Variants in ZPLD1 observed in about 807,000 individuals in gnomAD.
The protein encoded by ZPLD1 is zona pellucida-like domain-containing protein 1.
ZPLD1 carries 34 observed loss-of-function variants against 47.2 expected under a neutral mutation model. That is an observed-to-expected ratio of 0.72 (90% CI 0.55 to 0.96). ZPLD1 has a LOEUF of 0.96. ZPLD1 is among the 40% of genes least tolerant of loss of function. The pLI, the probability that ZPLD1 is intolerant of heterozygous loss-of-function variation, is 0.00. For synonymous variants in ZPLD1, 176 were observed against 186.2 expected, an observed-to-expected ratio of 0.95 and a Z score of 0.45; for missense variants, 512 against 505.8, an observed-to-expected ratio of 1.01 and a Z score of -0.12.
intron 8 of ZPLD1, among the ~76,000 whole-genome samples, chr3:102,419,869 A>ATT (rs377245145): frequency 5.2e-5 from 7 of 134,950 alleles, no homozygotes; most frequent in African/African-American, 5.5e-5. Context: ...CAAGGAACTC[A>ATT]TTTTTTTTTT....
intron 1 of ZPLD1, among the ~76,000 whole-genome samples, chr3:102,435,747 A>G (rs1229734026): frequency 1.4e-5 from 2 of 145,136 alleles, no homozygotes; most frequent in African/African-American, 5.2e-5. Context: ...GGTTCACCCC[A>G]TTCTCCTGCC....
At chr3:102,447,470 C>T (rs1707275225) in intron 3 of ZPLD1, among the ~76,000 whole-genome samples, 1 of 152,224 alleles carries the variant, frequency 6.6e-6, no homozygotes, top group South Asian at 2.1e-4. Context: ...AGTCATTGCA[C>T]TACAGTGCTG....
chr3:102,429,750 C>T (rs1706993890), intron 8 of ZPLD1, among the ~76,000 whole-genome samples: 2 of 152,036 alleles, frequency 1.3e-5, no homozygotes, highest in Non-Finnish European at 2.9e-5. Flanking sequence ...GTATCCACCA[C>T]CACCACAACA....
At chr3:102,423,334 T>G (rs1402613225) in intron 8 of ZPLD1, among the ~76,000 whole-genome samples, 2 of 152,062 alleles carry the variant, frequency 1.3e-5, no homozygotes, top group Non-Finnish European at 2.9e-5. Flanking sequence ...ATCTCAAGTA[T>G]AGCAAAACCT....
In ZPLD1 at chr3:102,476,708, T is replaced by C. The variant is rs983720957; in HGVS notation, c.1043-304T>C. On this transcript the variant is annotated intron_variant, in intron 10 of 11. Transcript: ENST00000466937. ...TGGAGAGCTAATGATGAAACAAAGT[T>C]GTCAGGCAAGAAAACAGCACACTGT... is the stretch of plus-strand genomic sequence containing the variant. Among the ~76,000 whole-genome samples, 3 of 152,092 alleles carry C rather than the reference T, an allele frequency of 2.0e-5. No homozygotes were observed. The East Asian group carries it at 5.8e-4, about 29-fold the overall frequency.
intron 11 of ZPLD1, 27 bp downstream of exon 11, chr3:102,477,068 GT>G (rs766607896): frequency 1.1e-5 from 17 of 1,612,512 alleles, no homozygotes; most frequent in Non-Finnish European, 1.2e-5. Flanking sequence ...ATTTTGCAAT[GT>G]TTTTTACATT....
At chr3:102,461,447 T>C (rs1707505971) in intron 6 of ZPLD1, among the ~76,000 whole-genome samples, 1 of 151,988 alleles carries the variant, frequency 6.6e-6, no homozygotes, top group Non-Finnish European at 1.5e-5. Flanking sequence ...ATAAGCTCTC[T>C]AGAACTGGTC....
chr3:102,405,959 C>T (rs2107295263), intron 7 of ZPLD1, among the ~76,000 whole-genome samples: 1 of 152,120 alleles, frequency 6.6e-6, no homozygotes, highest in Non-Finnish European at 1.5e-5. Flanking sequence ...CTCTATTCTA[C>T]ATCACTTAAA....
chr3:102,464,036 C>A, intron 7 of ZPLD1, 135 bp from the exon 8 acceptor site: 1 of 660,768 alleles, frequency 1.5e-6, no homozygotes, highest in Non-Finnish European at 2.6e-6. Flanking sequence ...GGCAACGGAA[C>A]AAGACTCCGT....
intron 7 of ZPLD1, among the ~76,000 whole-genome samples, chr3:102,398,487 T>C (rs966309428): frequency 2.0e-5 from 3 of 152,160 alleles, no homozygotes; most frequent in African/African-American, 7.2e-5. Context: ...ATAGATGTTG[T>C]GAAGAATGCA....
chr3:102,401,700 T>A (rs767067960), intron 7 of ZPLD1, among the ~76,000 whole-genome samples: 1 of 152,116 alleles, frequency 6.6e-6, no homozygotes, highest in Non-Finnish European at 1.5e-5. Context: ...TTGATAATGA[T>A]TGACTTGCTA....
intron 8 of ZPLD1, among the ~76,000 whole-genome samples, chr3:102,468,032 A>G (rs529386546): frequency 6.6e-6 from 1 of 152,292 alleles, no homozygotes; most frequent in East Asian, 1.9e-4. Flanking sequence ...CCATTTTCAG[A>G]TAAAGAAATG....
At chr3:102,453,815 T>C (rs943187593) in intron 4 of ZPLD1, among the ~76,000 whole-genome samples, 6 of 152,218 alleles carry the variant, frequency 3.9e-5, no homozygotes, top group African/African-American at 1.4e-4. Flanking sequence ...AGCATTCATT[T>C]GTTTACTAAT....
chr3:102,416,509 T>C (rs1435529479), intron 7 of ZPLD1, among the ~76,000 whole-genome samples: 1 of 151,916 alleles, frequency 6.6e-6, no homozygotes, highest in African/African-American at 2.4e-5. Flanking sequence ...ACATCTAGCT[T>C]GATGCTTCAT....
At chr3:102,421,724 A>G (rs1039310927) in intron 8 of ZPLD1, among the ~76,000 whole-genome samples, 2 of 151,948 alleles carry the variant, frequency 1.3e-5, no homozygotes, top group Non-Finnish European at 2.9e-5. Flanking sequence ...TACAGGGCAT[A>G]AAAAGTACAG....
chr3:102,405,169 G>T (rs1363563769), intron 7 of ZPLD1, among the ~76,000 whole-genome samples: 1 of 151,936 alleles, frequency 6.6e-6, no homozygotes, highest in Non-Finnish European at 1.5e-5. Flanking sequence ...GTCATAATAA[G>T]TGCACTTAAT....
intron 6 of ZPLD1, among the ~76,000 whole-genome samples, chr3:102,390,295 A>C (rs994765249): frequency 1.6e-4 from 24 of 152,064 alleles, no homozygotes; most frequent in African/African-American, 5.8e-4. Context: ...TTTACCCCCA[A>C]CCGGATTTCT....
intron 7 of ZPLD1, among the ~76,000 whole-genome samples, chr3:102,463,564 G>A (rs1286817891): frequency 6.6e-6 from 1 of 152,046 alleles, no homozygotes; most frequent in East Asian, 1.9e-4. Flanking sequence ...TTGAGTTCAG[G>A]AGAAAGTTCT....
intron 7 of ZPLD1, among the ~76,000 whole-genome samples, chr3:102,412,928 G>A (rs1706762153): frequency 6.6e-6 from 1 of 151,538 alleles, no homozygotes; most frequent in Non-Finnish European, 1.5e-5. Flanking sequence ...AGGGCGTATT[G>A]GATTAATTAT....
Sources: allele counts gnomAD v4.1 joint callset (sites outside exome capture counted in the v4.1 genomes callset), GRCh38; gene constraint gnomAD v4.1.1; transcripts MANE v1.5; gene names NCBI Gene and HGNC (gene_info 2026-07-23, HGNC 2026-07-21).